Variants in GRIK3 observed in about 807,000 individuals in gnomAD.
GRIK3 encodes glutamate receptor ionotropic, kainate 3.
GRIK3 carries 29 observed loss-of-function variants against 102.5 expected under a neutral mutation model. The observed-to-expected ratio is 0.28, with a 90% CI of 0.21 to 0.39. The LOEUF (loss-of-function observed/expected upper bound fraction) is 0.39. Among genes scored for constraint, GRIK3 ranks in the 10% least tolerant of loss-of-function variants. GRIK3 has a pLI of 1.00. For missense variants in GRIK3, 908 were observed against 1,252.4 expected, an observed-to-expected ratio of 0.73 and a Z score of 4.15; for synonymous variants, 511 against 504.9, an observed-to-expected ratio of 1.01 and a Z score of -0.16.
intron 1 of GRIK3, among the ~76,000 whole-genome samples, chr1:36,975,468 G>C (rs992187366): frequency 2.0e-5 from 3 of 151,856 alleles, no homozygotes; most frequent in Non-Finnish European, 1.5e-5. Context: ...CTGATTTTTT[G>C]TATTTTTAGT....
intron 10 of GRIK3, among the ~76,000 whole-genome samples, chr1:36,834,322 CA>C (rs1025114314): frequency 5.9e-5 from 9 of 151,988 alleles, no homozygotes; most frequent in Non-Finnish European, 1.3e-4. Flanking sequence ...TTGGTGGGGG[CA>C]GGGAAAGGGG....
At position 36,926,300 on chromosome 1, in the gene GRIK3, G is replaced by A. The variant is rs534254106; in HGVS notation, c.116-35204C>T. Among the ~76,000 whole-genome samples the A allele has an allele frequency of 6.7e-4, 102 of 152,182 alleles. 3 individuals carry two copies. The highest frequency in any genetic ancestry group is 3.3e-4 in the Admixed American group (5 of 15,286). On this transcript the variant is annotated intron_variant, in intron 1 of 15. Transcript: ENST00000373091. ...GGGGAAAGGCAATTGGGGAGGTGAA[G>A]TCCAAGGCTTCAGGTGAGCTTCACA... is the stretch of plus-strand genomic sequence containing the variant.
At position 36,859,239 on chromosome 1, in the gene GRIK3, A is replaced by T; in HGVS notation, c.973T>A (p.Leu325Ile). 5 of 1,608,270 alleles carry T rather than the reference A, an allele frequency of 3.1e-6. No homozygotes were observed. Among genetic ancestry groups the T allele is most frequent in the Non-Finnish European group, 4.3e-6 (5 of 1,175,764 alleles). Residue 325 changes from leucine (L) to isoleucine (I), a missense_variant, in exon 7 of 16, where the codon TTA becomes ATA. Leu to Ile is a conservative substitution (Grantham distance 5, BLOSUM62 2). Transcript: ENST00000373091. ...LDGVMMTDAALLYDAVHIVSV... is the reference protein window; with the variant it reads ...LDGVMMTDAAILYDAVHIVSV... The stretch of plus-strand genomic sequence containing the variant: ...ACGATATGGACGGCGTCGTACAGTA[A>T]GGCTGCATCAGTCTGCAGGGAAGGG...
At chr1:36,821,313 C>T (rs563742289) in intron 11 of GRIK3, among the ~76,000 whole-genome samples, 76 of 152,268 alleles carry the variant, frequency 5.0e-4, no homozygotes, top group African/African-American at 1.7e-3. Flanking sequence ...GGGAAGAGAT[C>T]TAGAATGGAG....
At chr1:36,810,319 G>A (rs1642547991) in intron 13 of GRIK3, among the ~76,000 whole-genome samples, 1 of 152,108 alleles carries the variant, frequency 6.6e-6, no homozygotes, top group East Asian at 1.9e-4. Context: ...TGCCTGTCCC[G>A]GCCCTGGTTG....
At position 36,850,151 on chromosome 1, in the gene GRIK3, C is replaced by T. The variant is rs762526516; in HGVS notation, c.1326+160G>A. ...CGTGGCAGCGAGCAGCGCTGCTGCG[C>T]TCCAGCTGCTCTCTGAGAACTTCCT... On this transcript the variant is annotated intron_variant, in intron 9 of 15. Transcript: ENST00000373091. The surrounding 1 kb of genome is among the most constrained non-coding windows in gnomAD (Gnocchi z 4.0). 3.3e-6 allele frequency: 2 copies of T among 603,420 alleles called. No homozygotes were observed. The highest frequency in any genetic ancestry group is 5.9e-6 in the Non-Finnish European group (2 of 337,936). 37.4% of individuals were successfully genotyped at this position (603,420 alleles called of 1,614,324 possible).
chr1:36,850,250 C>A lies in GRIK3; in HGVS notation c.1326+61G>T. 1 of 1,063,426 alleles carries A rather than the reference C, an allele frequency of 9.4e-7. No homozygotes were observed. Among genetic ancestry groups the A allele is most frequent in the South Asian group, 1.3e-5 (1 of 79,852 alleles). 65.9% of individuals were successfully genotyped at this position (1,063,426 alleles called of 1,614,324 possible). A position where few individuals can be genotyped will look rare whatever the true frequency, so the allele number is the denominator to read the frequency against. Reference sequence around the variant, plus strand: ...GGGGGGATAGAGGGGACTCTCCAGCCCGAACGGCCACCCCACCCCCAGGTC... The same window carrying A: ...GGGGGGATAGAGGGGACTCTCCAGCACGAACGGCCACCCCACCCCCAGGTC... On this transcript the variant is annotated intron_variant, in intron 9 of 15. Coordinates refer to ENST00000373091, the MANE Select transcript of GRIK3 (RefSeq NM_000831.4). This position sits in a 1 kb window ranked among gnomAD's most constrained non-coding sequence, Gnocchi z 4.0.
intron 11 of GRIK3, among the ~76,000 whole-genome samples, chr1:36,823,333 G>A (rs1008181312): frequency 3.3e-5 from 5 of 151,954 alleles, no homozygotes; most frequent in Non-Finnish European, 7.4e-5. Flanking sequence ...AATTAGCCGG[G>A]TGTGGTGGTG....
Position 36,850,312 on chromosome 1 carries a change from A to C in GRIK3, c.1325T>G (p.Leu442Arg), listed in dbSNP as rs1267094240. The C allele has an allele frequency of 6.3e-7, 1 of 1,593,222 alleles. No individual in the cohort carries two copies. The highest frequency in any genetic ancestry group is 1.3e-5 in the African/African-American group (1 of 74,470). Residue 442 changes from leucine to arginine, a missense_variant and splice_region_variant, in exon 9 of 16, where the codon CTG becomes CGG. Physicochemically the swap from Leu to Arg is moderately radical, Grantham distance 102. This residue lies in a region of GRIK3 where 585 missense variants were observed against 824.9 expected (regional missense o/e 0.71). Coordinates refer to ENST00000373091, the MANE Select transcript of GRIK3 (RefSeq NM_000831.4). The surrounding 1 kb of genome is among the most constrained non-coding windows in gnomAD (Gnocchi z 4.0). ...CCTGCAGGGGCTGCAGGCTCTTACC[A>C]GCACTGTGGTGACAATGAGTGATCT... ...TNRSLIVTTV[L>R]EEPFVMFRKS...
At position 36,917,732 on chromosome 1, in the gene GRIK3, G is replaced by T. The variant is rs1385722120; in HGVS notation, c.116-26636C>A. Among the ~76,000 whole-genome samples the T allele has an allele frequency of 5.2e-4, 79 of 152,184 alleles. 1 individual carries two copies. Among genetic ancestry groups the T allele is most frequent in the Non-Finnish European group, 5.9e-5 (4 of 68,048 alleles). ...ATTAAACCTCTTTCTTTTGCAAATTGCCCAGTCTCAGGTATGTTTTTATCA... is the reference window on the plus strand; with the variant it reads ...ATTAAACCTCTTTCTTTTGCAAATTTCCCAGTCTCAGGTATGTTTTTATCA... On this transcript the variant is annotated intron_variant, in intron 1 of 15. Coordinates refer to ENST00000373091, the MANE Select transcript of GRIK3 (RefSeq NM_000831.4).
At chr1:36,995,052 G>A (rs1204049687) in intron 1 of GRIK3, among the ~76,000 whole-genome samples, 4 of 152,120 alleles carry the variant, frequency 2.6e-5, no homozygotes, top group East Asian at 1.9e-4. Flanking sequence ...AGCAAGCTGC[G>A]GAAGCCTGGA....
intron 1 of GRIK3, among the ~76,000 whole-genome samples, chr1:37,030,530 T>TCCC (rs1491125931): frequency 1.7e-4 from 15 of 90,070 alleles, no homozygotes; most frequent in African/African-American, 2.4e-4. Flanking sequence ...CCCTTCCTTT[T>TCCC]CCCCACCCCC....
rs375429996 is a variant in GRIK3 at position 36,825,940 on chromosome 1, G to A, written c.1531-114C>T. On this transcript the variant is annotated intron_variant, in intron 10 of 15. Transcript: ENST00000373091. ...GGTGAAGTCAGTTGTCCCAGCCCCA[G>A]GTCACTAACCGCTCTTCTGTTTCCA... 5 of 711,204 alleles carry A rather than the reference G, an allele frequency of 7.0e-6. No individual in the cohort carries two copies. In the African/African-American group the frequency reaches 7.1e-5, roughly 10 times the overall value. The allele number at this position is 711,204 out of a possible 1,614,324, so 44.1% of individuals were successfully genotyped here.
At chr1:36,878,462 C>T (rs1012796668) in intron 3 of GRIK3, among the ~76,000 whole-genome samples, 2 of 152,198 alleles carry the variant, frequency 1.3e-5, no homozygotes, top group African/African-American at 4.8e-5. Flanking sequence ...CTACTATTTC[C>T]AGTCCCCATT....
At chr1:37,020,610 G>C (rs1341386925) in intron 1 of GRIK3, among the ~76,000 whole-genome samples, 1 of 151,628 alleles carries the variant, frequency 6.6e-6, no homozygotes, top group Non-Finnish European at 1.5e-5. Flanking sequence ...AGGCACCAAA[G>C]GTTAATGAAC....
chr1:36,947,309 C>T (rs1641794934), intron 1 of GRIK3, among the ~76,000 whole-genome samples: 1 of 152,132 alleles, frequency 6.6e-6, no homozygotes, highest in South Asian at 2.1e-4. Flanking sequence ...TGCCCTGCCC[C>T]CATCACTACC....
At chr1:36,915,848 T>C (rs762005005) in intron 1 of GRIK3, among the ~76,000 whole-genome samples, 26 of 152,298 alleles carry the variant, frequency 1.7e-4, no homozygotes, top group Admixed American at 6.5e-4. Context: ...TATGTCTTTA[T>C]TGGCAACATG....
intron 10 of GRIK3, among the ~76,000 whole-genome samples, chr1:36,837,064 G>A (rs940456973): frequency 3.3e-5 from 5 of 151,322 alleles, no homozygotes; most frequent in African/African-American, 1.2e-4. Flanking sequence ...CTCCAGCCTT[G>A]CCAGCCCAGG....
At chr1:36,841,529 T>A (rs1336406128) in intron 10 of GRIK3, among the ~76,000 whole-genome samples, 1 of 152,172 alleles carries the variant, frequency 6.6e-6, no homozygotes, top group Non-Finnish European at 1.5e-5. Flanking sequence ...GAGAATGGCG[T>A]TGGGAGTATG....
Sources: allele counts gnomAD v4.1 joint callset (sites outside exome capture counted in the v4.1 genomes callset), GRCh38; gene constraint gnomAD v4.1.1; regional missense constraint gnomAD v4.1.1; non-coding constraint Gnocchi (gnomAD v3.1); transcripts MANE v1.5; gene names NCBI Gene and HGNC (gene_info 2026-07-23, HGNC 2026-07-21).